The following CLNK variants were observed in gnomAD, a reference collection of about 807,000 sequenced individuals.
The protein encoded by CLNK is cytokine-dependent hematopoietic cell linker.
CLNK carries 74 observed loss-of-function variants against 68.6 expected under a neutral mutation model. The observed-to-expected ratio is 1.08, with a 90% CI of 0.89 to 1.31. CLNK has a LOEUF of 1.31. Among genes scored for constraint, CLNK ranks in the 50% most tolerant of loss-of-function variants. The probability of loss-of-function intolerance (pLI) is 0.00; values close to 1 mark genes in which losing one functional copy is unlikely to be tolerated. For missense variants in CLNK, 553 were observed against 515.3 expected, an observed-to-expected ratio of 1.07 and a Z score of -0.71; for synonymous variants, 198 against 172.2, an observed-to-expected ratio of 1.15 and a Z score of -1.17.
At chr4:10,627,052 G>C (rs568997594) in intron 2 of CLNK, among the ~76,000 whole-genome samples, 1 of 152,266 alleles carries the variant, frequency 6.6e-6, no homozygotes, top group South Asian at 2.1e-4. Flanking sequence ...AGGTCAAAGC[G>C]GTGTCCAGGG....
intron 3 of CLNK, among the ~76,000 whole-genome samples, chr4:10,591,884 C>T (rs1721190526): frequency 6.6e-6 from 1 of 152,240 alleles, no homozygotes; most frequent in Non-Finnish European, 1.5e-5. Flanking sequence ...AAGAATTCTC[C>T]TCTTACCTAT....
In CLNK at chr4:10,662,337, G is replaced by A. The variant is rs186658250; in HGVS notation, c.11+5522C>T. On this transcript the variant is annotated intron_variant, in intron 2 of 18. Transcript: ENST00000226951. ...GCCATGCTTGATCTAAATCCCCTGG[G>A]GCCAGGAATTCAGAATATGGTGGAT... 7.8e-4 allele frequency among the ~76,000 whole-genome samples: 119 copies of A among 152,260 alleles called. No homozygotes were observed. In the East Asian group the frequency reaches 0.017, roughly 22 times the overall value.
At chr4:10,704,747 G>T in the CLNK span, among the ~76,000 whole-genome samples, 1 of 152,212 alleles carries the variant, frequency 6.6e-6, no homozygotes, top group African/African-American at 2.4e-5. Context: ...CCTGGCTGTG[G>T]AATCAGGGAG....
chr4:10,515,094 C>T (rs959543693), intron 15 of CLNK, among the ~76,000 whole-genome samples: 14 of 151,938 alleles, frequency 9.2e-5, no homozygotes, highest in Non-Finnish European at 1.6e-4. Flanking sequence ...AAAAATTATC[C>T]GGGCATGGTG....
chr4:10,717,318 G>A, the CLNK span, among the ~76,000 whole-genome samples: 10 of 152,192 alleles, frequency 6.6e-5, no homozygotes, highest in African/African-American at 1.9e-4. Flanking sequence ...AGCCGTGGCC[G>A]GGTGTGGTGG....
chr4:10,695,892 G>C, the CLNK span, among the ~76,000 whole-genome samples: 1 of 148,490 alleles, frequency 6.7e-6, no homozygotes, highest in Admixed American at 6.7e-5. Flanking sequence ...GTCTTGCTCT[G>C]TTGCCCAGGC....
chr4:10,542,193 T>C, intron 9 of CLNK, 62 bp downstream of exon 9: 2 of 1,224,920 alleles, frequency 1.6e-6, no homozygotes, highest in Non-Finnish European at 2.3e-6. Flanking sequence ...TTGCATCATC[T>C]ATATCTCTAG....
rs1175698757 is a variant in CLNK, at chr4:10,584,950, C to T, written c.89G>A (p.Trp30Ter). The change falls in exon 4 of 19, where the codon TGG becomes TAG. Residue 30 changes from tryptophan (W) to a stop codon, truncating the protein, a stop_gained. Transcript: ENST00000226951. LOFTEE classifies it high-confidence loss of function. Reference protein sequence around the residue: ...QNFSLPKNRSWPRINSATGQY... With the variant: ...QNFSLPKNRS ...ACCTGTGGCACTATTGATGCGAGGCCATGACCTAGGGCAGAAAAGAGAACC... is the reference window on the plus strand; with the variant it reads ...ACCTGTGGCACTATTGATGCGAGGCTATGACCTAGGGCAGAAAAGAGAACC... 25 of 1,613,614 alleles carry T rather than the reference C, an allele frequency of 1.5e-5. No homozygotes were observed. The highest frequency in any genetic ancestry group is 2.1e-5 in the Non-Finnish European group (25 of 1,179,820).
intron 1 of CLNK, among the ~76,000 whole-genome samples, chr4:10,676,062 TGTGTGTGTGTGTGTGTCTA>T (rs1724861224): frequency 7.1e-6 from 1 of 140,422 alleles, no homozygotes; most frequent in Admixed American, 7.1e-5. Flanking sequence ...TGTGTGTGTG[TGTGTGTGTGTGTGTGTCTA>T]TGTGTGTGTG....
chr4:10,676,883 C>T (rs975044685), intron 1 of CLNK, among the ~76,000 whole-genome samples: 4 of 151,682 alleles, frequency 2.6e-5, no homozygotes, highest in South Asian at 2.1e-4. Flanking sequence ...TTACTGTTCA[C>T]GTAAAGTGAG....
chr4:10,515,758 T>A (rs904398732), intron 15 of CLNK, among the ~76,000 whole-genome samples: 3 of 152,258 alleles, frequency 2.0e-5, no homozygotes, highest in African/African-American at 7.2e-5. Context: ...TTTAAAAAGA[T>A]ATTACATAAT....
chr4:10,579,838 T>A (rs1720710330), intron 4 of CLNK, among the ~76,000 whole-genome samples: 1 of 151,576 alleles, frequency 6.6e-6, no homozygotes, highest in African/African-American at 2.4e-5. Context: ...CATTTGCATA[T>A]TAAAAGGCTA....
At chr4:10,548,934 AGT>A (rs1719341668) in intron 8 of CLNK, among the ~76,000 whole-genome samples, 1 of 152,228 alleles carries the variant, frequency 6.6e-6, no homozygotes, top group Admixed American at 6.5e-5. Context: ...GAAATCAGGA[AGT>A]GTGATGGCTC....
chr4:10,605,112 T>G (rs1721735868), intron 2 of CLNK, among the ~76,000 whole-genome samples: 1 of 152,192 alleles, frequency 6.6e-6, no homozygotes. Context: ...GAATTTAGTT[T>G]TAAGACTACA....
chr4:10,688,048 A>G (rs144745094), upstream of CLNK, among the ~76,000 whole-genome samples: 534 of 152,306 alleles, frequency 3.5e-3, 1 homozygote, highest in African/African-American at 0.012. Flanking sequence ...CTTGAGGATG[A>G]TAATACTTAC....
At chr4:10,689,632 G>A (rs1725390231), upstream of CLNK, among the ~76,000 whole-genome samples, 5 of 151,536 alleles carry the variant, frequency 3.3e-5, no homozygotes, top group Admixed American at 3.3e-4. Context: ...CACAAACATA[G>A]ACCCTCAAAA....
chr4:10,564,521 A>C (rs1038362795), intron 7 of CLNK, 150 bp downstream of exon 7: 4 of 621,268 alleles, frequency 6.4e-6, no homozygotes, highest in Non-Finnish European at 8.7e-6. Flanking sequence ...ACCTCCTACC[A>C]GTCATAAGAG....
At chr4:10,572,915 A>G (rs1577138492) in intron 4 of CLNK, among the ~76,000 whole-genome samples, 1 of 151,736 alleles carries the variant, frequency 6.6e-6, no homozygotes, top group South Asian at 2.1e-4. Flanking sequence ...TGCAACCTCC[A>G]CCTCCTGGGT....
intron 7 of CLNK, among the ~76,000 whole-genome samples, chr4:10,559,812 G>A (rs1440426577): frequency 6.6e-6 from 1 of 152,062 alleles, no homozygotes; most frequent in Non-Finnish European, 1.5e-5. Context: ...GATTATGAGG[G>A]AACAAAGAAA....
Sources: allele counts gnomAD v4.1 joint callset (sites outside exome capture counted in the v4.1 genomes callset), GRCh38; gene constraint gnomAD v4.1.1; transcripts MANE v1.5; gene names NCBI Gene and HGNC (gene_info 2026-07-23, HGNC 2026-07-21).